Variants in KCNIP3 observed in about 807,000 individuals in gnomAD.
KCNIP3 encodes potassium voltage-gated channel interacting protein 3, also known as calsenilin.
KCNIP3 carries 28 observed loss-of-function variants against 35.0 expected under a neutral mutation model. The observed-to-expected ratio is 0.80, with a 90% CI of 0.59 to 1.10. The LOEUF is 1.10. Among genes scored for constraint, KCNIP3 ranks in the 50% least tolerant of loss-of-function variants. The probability of loss-of-function intolerance (pLI) is 0.00; values close to 1 mark genes in which losing one functional copy is unlikely to be tolerated. For synonymous variants in KCNIP3, 134 were observed against 133.8 expected (o/e 1.00, Z -0.01); for missense variants, 295 against 338.4 (o/e 0.87, Z 1.01).
At chr2:95,345,747 C>T (rs148623884) in intron 2 of KCNIP3, among the ~76,000 whole-genome samples, 1 of 152,264 alleles carries the variant, frequency 6.6e-6, no homozygotes, top group Non-Finnish European at 1.5e-5. Context: ...AGGTCTCCGG[C>T]CTCGCGGCTC....
chr2:95,307,234 T>C (rs1678200412), intron 1 of KCNIP3, among the ~76,000 whole-genome samples: 1 of 152,178 alleles, frequency 6.6e-6, no homozygotes, highest in South Asian at 2.1e-4. Flanking sequence ...AAAGACACAC[T>C]GGGGCCCCCT....
Position 95,376,838 on chromosome 2 carries a change from C to G in KCNIP3, c.447+1630C>G, listed in dbSNP as rs1054549255. Among the ~76,000 whole-genome samples the G allele has an allele frequency of 1.3e-5, 2 of 152,202 alleles. No individual in the cohort carries two copies. Among genetic ancestry groups the G allele is most frequent in the Non-Finnish European group, 2.9e-5 (2 of 68,042 alleles). On this transcript the variant is annotated intron_variant, in intron 5 of 8. Coordinates refer to ENST00000295225, the MANE Select transcript of KCNIP3 (RefSeq NM_013434.5). The surrounding 1 kb of genome is among the most constrained non-coding windows in gnomAD (Gnocchi z 4.2). Reference sequence around the variant, plus strand: ...CACTGCCAGCCCTCAGAGCCTCCTACGTGCGTCTGTAATGCAAGGCAACCC... The same window carrying G: ...CACTGCCAGCCCTCAGAGCCTCCTAGGTGCGTCTGTAATGCAAGGCAACCC...
intron 5 of KCNIP3, among the ~76,000 whole-genome samples, 182 bp downstream of exon 5, chr2:95,375,390 G>T (rs1017215353): frequency 3.9e-5 from 6 of 152,204 alleles, no homozygotes; most frequent in African/African-American, 1.4e-4. Context: ...TGGGGTGTTT[G>T]ACTTTGCTGG....
chr2:95,383,127 A>G (rs1573525564), intron 7 of KCNIP3, 105 bp from the exon 8 acceptor site: 1 of 247,708 alleles, frequency 4.0e-6, no homozygotes, highest in Non-Finnish European at 7.9e-6. Context: ...CCGCCCATCC[A>G]CCCACCCGCC....
At chr2:95,300,936 C>A (rs1209692926) in intron 1 of KCNIP3, among the ~76,000 whole-genome samples, 3 of 152,180 alleles carry the variant, frequency 2.0e-5, no homozygotes, top group Non-Finnish European at 4.4e-5. Context: ...TCTTTTCTGG[C>A]CTCACCTCCC....
intron 1 of KCNIP3, among the ~76,000 whole-genome samples, chr2:95,309,788 G>A (rs915632213): frequency 6.6e-6 from 1 of 152,146 alleles, no homozygotes; most frequent in Non-Finnish European, 1.5e-5. Flanking sequence ...CCCATAGCTG[G>A]AGCTGTTTCT....
intron 2 of KCNIP3, among the ~76,000 whole-genome samples, chr2:95,336,932 T>C (rs1374629750): frequency 6.6e-6 from 1 of 152,216 alleles, no homozygotes; most frequent in Non-Finnish European, 1.5e-5. Flanking sequence ...ATCTTTGCTC[T>C]GCTCTCAACA....
At chr2:95,304,091 G>A (rs1442413851) in intron 1 of KCNIP3, among the ~76,000 whole-genome samples, 1 of 152,200 alleles carries the variant, frequency 6.6e-6, no homozygotes, top group African/African-American at 2.4e-5. Context: ...GCGAGAGGCC[G>A]CCGTCACTCA....
chr2:95,379,935 C>T (rs951032598), intron 5 of KCNIP3, among the ~76,000 whole-genome samples: 1 of 152,182 alleles, frequency 6.6e-6, no homozygotes. Flanking sequence ...TTGTGCCAAG[C>T]CTTGGTGGAC....
intron 1 of KCNIP3, among the ~76,000 whole-genome samples, chr2:95,299,661 G>A (rs566749688): frequency 6.6e-6 from 1 of 152,338 alleles, no homozygotes; most frequent in African/African-American, 2.4e-5. Flanking sequence ...CTGCTGTCGC[G>A]GTGTTGAGGC....
intron 2 of KCNIP3, chr2:95,346,922 G>C: frequency 1.6e-6 from 1 of 629,800 alleles, no homozygotes; most frequent in Non-Finnish European, 2.3e-6. Flanking sequence ...CGCCGCCCCC[G>C]AGAGGCCGTG....
Position 95,374,854 on chromosome 2 carries a change from C to T in KCNIP3, c.313C>T (p.Pro105Ser), listed in dbSNP as rs1201935044. Reference protein sequence around the residue: ...SLYRGFKNECPTGLVDEDTFK... With the variant: ...SLYRGFKNECSTGLVDEDTFK... Reference sequence around the variant, plus strand: ...GGGTGCCTTCCTGCTGCAGGAGTGTCCCACGGGCCTGGTGGACGAAGACAC... The same window carrying T: ...GGGTGCCTTCCTGCTGCAGGAGTGTTCCACGGGCCTGGTGGACGAAGACAC... The change falls in exon 4 of 9, where the codon CCC becomes TCC. Residue 105 changes from proline to serine, a missense_variant. Coordinates refer to ENST00000295225, the MANE Select transcript of KCNIP3 (RefSeq NM_013434.5). 1 of 1,613,610 alleles carries T rather than the reference C, an allele frequency of 6.2e-7. No individual in the cohort carries two copies. Among genetic ancestry groups the T allele is most frequent in the Non-Finnish European group, 8.5e-7 (1 of 1,179,978 alleles).
intron 2 of KCNIP3, among the ~76,000 whole-genome samples, chr2:95,319,898 C>T (rs530406217): frequency 4.6e-5 from 7 of 152,304 alleles, no homozygotes; most frequent in Admixed American, 3.9e-4. Context: ...AGGAGGGCTG[C>T]TCCCAAGGTG....
intron 2 of KCNIP3, among the ~76,000 whole-genome samples, chr2:95,371,750 GTATCA>G (rs1380539059): frequency 6.7e-6 from 1 of 149,554 alleles, no homozygotes; most frequent in African/African-American, 2.5e-5. Flanking sequence ...ATTAATCCTT[GTATCA>G]TTATAAAACA....
At position 95,384,036 on chromosome 2, in the gene KCNIP3, A is replaced by G. The variant is rs1347631664; in HGVS notation, c.758A>G (p.Glu253Gly). Residue 253 changes from glutamate (E) to glycine (G), a missense_variant, in exon 9 of 9, where the codon GAG becomes GGG. Physicochemically the swap from Glu to Gly is moderately conservative, Grantham distance 98. Coordinates refer to ENST00000295225, the MANE Select transcript of KCNIP3 (RefSeq NM_013434.5). ...ENIMSSMQLF[E>G]NVI is the part of the protein sequence containing the mutation. Reference sequence around the variant, plus strand: ...ATCATGAGCTCCATGCAGCTGTTTGAGAATGTCATCTAGGACACGTCCAAA... The same window carrying G: ...ATCATGAGCTCCATGCAGCTGTTTGGGAATGTCATCTAGGACACGTCCAAA... 3 of 1,613,996 alleles carry G rather than the reference A, an allele frequency of 1.9e-6. No individual in the cohort carries two copies. The highest frequency in any genetic ancestry group is 2.5e-6 in the Non-Finnish European group (3 of 1,179,990).
intron 5 of KCNIP3, among the ~76,000 whole-genome samples, chr2:95,379,467 G>GC (rs5832802): frequency 1 from 152,331 of 152,332 alleles, 76,165 homozygotes; most frequent in Non-Finnish European, 1. Flanking sequence ...GGGGCCTGGT[G>GC]CCTCTGGGGC....
At chr2:95,338,079 G>C (rs1240111281) in intron 2 of KCNIP3, among the ~76,000 whole-genome samples, 1 of 152,196 alleles carries the variant, frequency 6.6e-6, no homozygotes, top group Non-Finnish European at 1.5e-5. Flanking sequence ...GCAGACACCA[G>C]GCAAGGCAGA....
At chr2:95,328,386 C>T (rs896132310) in intron 2 of KCNIP3, among the ~76,000 whole-genome samples, 1 of 152,238 alleles carries the variant, frequency 6.6e-6, no homozygotes, top group Non-Finnish European at 1.5e-5. Context: ...CACAGTATCC[C>T]GCTTGGGAAA....
At chr2:95,366,846 T>A (rs1450832260) in intron 2 of KCNIP3, among the ~76,000 whole-genome samples, 1 of 152,248 alleles carries the variant, frequency 6.6e-6, no homozygotes, top group Non-Finnish European at 1.5e-5. Flanking sequence ...AAGTGTTTGA[T>A]TAGGTTTTTT....
Sources: gnomAD v4.1 joint callset for allele counts (sites outside exome capture counted in the v4.1 genomes callset) on GRCh38, gnomAD v4.1.1 for gene constraint, Gnocchi (gnomAD v3.1) non-coding constraint, MANE v1.5 for transcripts, NCBI Gene and HGNC (gene_info 2026-07-23, HGNC 2026-07-21) for gene names.